Variants in REPS1 observed in about 807,000 individuals in gnomAD.
REPS1 encodes RALBP1 associated Eps domain containing 1.
Under a neutral mutation model 100.9 loss-of-function variants are expected in REPS1, and 39 were observed. The ratio of observed to expected loss-of-function variants is 0.39; its 90% CI spans 0.30 to 0.50. The LOEUF (loss-of-function observed/expected upper bound fraction) is 0.50. REPS1 is among the 20% of genes least tolerant of loss of function. The pLI, the probability that REPS1 is intolerant of heterozygous loss-of-function variation, is 0.86. For synonymous variants in REPS1, 324 were observed against 340.3 expected, an observed-to-expected ratio of 0.95 and a Z score of 0.53; for missense variants, 821 against 968.5, an observed-to-expected ratio of 0.85 and a Z score of 2.02.
intron 1 of REPS1, among the ~76,000 whole-genome samples, chr6:138,953,392 A>G (rs1008479737): frequency 1.3e-5 from 2 of 152,200 alleles, no homozygotes; most frequent in African/African-American, 2.4e-5. Context: ...AGCAATCAAC[A>G]GAGTAAAAGA....
intron 14 of REPS1, 180 bp from the exon 15 acceptor site, chr6:138,914,941 C>G (rs1435158641): frequency 1.7e-6 from 1 of 575,412 alleles, no homozygotes; most frequent in Non-Finnish European, 3.0e-6. Flanking sequence ...AATCTCACAG[C>G]CTTTCATCAG....
chr6:138,912,986 T>C (rs779678225), intron 15 of REPS1, 36 bp from the exon 16 acceptor site: 2 of 1,528,528 alleles, frequency 1.3e-6, no homozygotes, highest in South Asian at 2.4e-5. Flanking sequence ...ACACACATTC[T>C]ATCAGCCTAT....
intron 8 of REPS1, among the ~76,000 whole-genome samples, chr6:138,930,614 C>T (rs1781429923): frequency 6.6e-6 from 1 of 151,884 alleles, no homozygotes; most frequent in Non-Finnish European, 1.5e-5. Flanking sequence ...TCCAGACACA[C>T]ATCCTTTTCA....
intron 1 of REPS1, among the ~76,000 whole-genome samples, chr6:138,962,274 T>C (rs906010653): frequency 2.0e-5 from 3 of 152,090 alleles, no homozygotes; most frequent in African/African-American, 7.2e-5. Context: ...AAGATAATCT[T>C]ACATACAGGC....
chr6:138,925,797 C>T (rs901033443), intron 10 of REPS1, among the ~76,000 whole-genome samples: 2 of 152,050 alleles, frequency 1.3e-5, no homozygotes, highest in Non-Finnish European at 2.9e-5. Context: ...TCTATGGGGA[C>T]AGAATTTATT....
Position 138,987,405 on chromosome 6 carries a change from C to T in REPS1, c.153+125G>A, listed in dbSNP as rs1463667738. 1.7e-5 allele frequency: 18 copies of T among 1,075,784 alleles called. No homozygotes were observed. In the South Asian group the frequency reaches 2.4e-4, roughly 15 times the overall value. The allele number at this position is 1,075,784 out of a possible 1,614,324, so 66.6% of individuals were successfully genotyped here. Reference sequence around the variant, plus strand: ...CTCCCGGGCACCTGCGGCCCCTGCCCGCTGCGGGGACCCCCCGAGGAACCA... The same window carrying T: ...CTCCCGGGCACCTGCGGCCCCTGCCTGCTGCGGGGACCCCCCGAGGAACCA... On this transcript the variant is annotated intron_variant, in intron 1 of 19. Coordinates refer to ENST00000450536, the MANE Select transcript of REPS1 (RefSeq NM_001286611.2).
At chr6:138,911,067 A>G (rs935295730) in intron 17 of REPS1, 4 of 450,422 alleles carry the variant, frequency 8.9e-6, no homozygotes, top group African/African-American at 7.9e-5. Flanking sequence ...TAACCACTTA[A>G]ATTTTGAGAA....
At position 138,987,669 on chromosome 6, in the gene REPS1, G is replaced by C; in HGVS notation, c.14C>G (p.Thr5Arg). 1 of 1,545,310 alleles carries C rather than the reference G, an allele frequency of 6.5e-7. No homozygotes were observed. The highest frequency in any genetic ancestry group is 8.7e-7 in the Non-Finnish European group (1 of 1,144,656). MEGL[T>R]LSDAEQKYYS... ...GTATTTCTGCTCCGCATCGCTCAGC[G>C]TTAAGCCTTCCATCTTCGCCTCCGG... The change falls in exon 1 of 20, where the codon ACG becomes AGG. Residue 5 changes from threonine (T) to arginine (R), a missense_variant. By Grantham distance (71) the Thr-to-Arg change is moderately conservative. Coordinates refer to ENST00000450536, the MANE Select transcript of REPS1 (RefSeq NM_001286611.2).
At chr6:138,964,033 G>A (rs755597126) in intron 1 of REPS1, among the ~76,000 whole-genome samples, 5 of 152,038 alleles carry the variant, frequency 3.3e-5, no homozygotes, top group Non-Finnish European at 7.4e-5. Context: ...TTATATTAGA[G>A]CAAATAGCTC....
intron 10 of REPS1, among the ~76,000 whole-genome samples, chr6:138,925,115 G>A (rs1167720810): frequency 6.6e-6 from 1 of 152,122 alleles, no homozygotes; most frequent in East Asian, 1.9e-4. Flanking sequence ...GGAGGCCGAG[G>A]TGGGTGGATC....
At chr6:138,931,806 A>G (rs919091446) in intron 8 of REPS1, among the ~76,000 whole-genome samples, 1 of 152,170 alleles carries the variant, frequency 6.6e-6, no homozygotes, top group East Asian at 1.9e-4. Flanking sequence ...AGTGATAACA[A>G]AGGGAAAGGG....
At chr6:138,961,936 C>G (rs1393809179) in intron 1 of REPS1, among the ~76,000 whole-genome samples, 1 of 152,176 alleles carries the variant, frequency 6.6e-6, no homozygotes, top group African/African-American at 2.4e-5. Context: ...AAGGAAGCAG[C>G]TGCTATTCAA....
rs1056567376 is a variant in REPS1, at chr6:138,943,845, C to G, written c.916+8G>C. ...CATCTAGAAGAACTTCTGTTTTCAA[C>G]AACTCACCTGGAATAAATCCGTTTA... On this transcript the variant is annotated splice_region_variant and intron_variant, in intron 6 of 19. Coordinates refer to ENST00000450536, the MANE Select transcript of REPS1 (RefSeq NM_001286611.2). 7 of 1,609,526 alleles carry G rather than the reference C, an allele frequency of 4.3e-6. No homozygotes were observed. The highest frequency in any genetic ancestry group is 4.0e-5 in the African/African-American group (3 of 74,748).
At chr6:138,907,110 G>C (rs777344795) in intron 19 of REPS1, among the ~76,000 whole-genome samples, 1 of 152,110 alleles carries the variant, frequency 6.6e-6, no homozygotes, top group African/African-American at 2.4e-5. Flanking sequence ...TGAAATTGCT[G>C]CCACTTCTCT....
chr6:138,952,187 A>G (rs1334192760), intron 1 of REPS1, among the ~76,000 whole-genome samples: 1 of 152,172 alleles, frequency 6.6e-6, no homozygotes, highest in East Asian at 1.9e-4. Flanking sequence ...AGACGTAACA[A>G]TTCCTCCTAG....
intron 1 of REPS1, among the ~76,000 whole-genome samples, chr6:138,963,807 T>G (rs556802332): frequency 1.3e-5 from 2 of 152,336 alleles, no homozygotes; most frequent in South Asian, 4.1e-4. Flanking sequence ...TAATCTCTAA[T>G]ATTTTCTTTC....
At chr6:138,920,870 T>C (rs995850865) in intron 11 of REPS1, among the ~76,000 whole-genome samples, 167 bp downstream of exon 11, 4 of 152,222 alleles carry the variant, frequency 2.6e-5, no homozygotes, top group African/African-American at 7.2e-5. Flanking sequence ...TTAAAATAAA[T>C]TCCTTTTAAA....
Position 138,926,458 on chromosome 6 carries a change from G to A in REPS1, c.1281C>T (p.Arg427=), listed in dbSNP as rs1244648597. Reference sequence around the variant, plus strand: ...GGGTCAGAGTTTGTGAGCTTGAAGAGCGTTCACTAAATGTCTCCCACTGCT... The same window carrying A: ...GGGTCAGAGTTTGTGAGCTTGAAGAACGTTCACTAAATGTCTCCCACTGCT... ...SSEQWETFSE[R]SSSSQTLTQF... The change falls in exon 10 of 20, where the codon CGC becomes CGT. Residue 427 remains arginine (R), a synonymous_variant. Coordinates refer to ENST00000450536, the MANE Select transcript of REPS1 (RefSeq NM_001286611.2). 1 of 1,612,348 alleles carries A rather than the reference G, an allele frequency of 6.2e-7. No homozygotes were observed. Among genetic ancestry groups the A allele is most frequent in the African/African-American group, 1.3e-5 (1 of 74,910 alleles).
At chr6:138,920,788 G>A (rs569086071) in intron 11 of REPS1, among the ~76,000 whole-genome samples, 29 of 152,134 alleles carry the variant, frequency 1.9e-4, no homozygotes, top group African/African-American at 7.0e-4. Flanking sequence ...AATTTACAAG[G>A]ATGAACATAA....
Sources: allele counts gnomAD v4.1 joint callset (sites outside exome capture counted in the v4.1 genomes callset), GRCh38; gene constraint gnomAD v4.1.1; transcripts MANE v1.5; gene names NCBI Gene and HGNC (gene_info 2026-07-23, HGNC 2026-07-21).